DAPK3: variants seen among roughly 807,000 people sequenced by gnomAD.
The protein encoded by DAPK3 is death-associated protein kinase 3.
Under a neutral mutation model 30.6 loss-of-function variants are expected in DAPK3, and 24 were observed. The observed-to-expected ratio is 0.78, with a 90% confidence interval of 0.57 to 1.10. The LOEUF is 1.10. Among genes scored for constraint, DAPK3 ranks in the 50% least tolerant of loss-of-function variants. The pLI is 0.00. For missense variants in DAPK3, 629 were observed against 657.3 expected, an observed-to-expected ratio of 0.96 and a Z score of 0.47; for synonymous variants, 341 against 284.0, an observed-to-expected ratio of 1.20 and a Z score of -2.02.
At position 3,959,343 on chromosome 19, in the gene DAPK3, C is replaced by A. The variant is rs2039477092; in HGVS notation, c.1123G>T (p.Gly375Cys). Residue 375 changes from glycine to cysteine, a missense_variant, in exon 9 of 9, where the codon GGC becomes TGC. By Grantham distance (159) the Gly-to-Cys change is radical. Coordinates refer to ENST00000545797, the MANE Select transcript of DAPK3 (RefSeq NM_001348.3). ...TGCCGTAGCCTCCGCAGGTCCTGGC[C>A]CAGGCTGTCGCTCTCCTCGCGGTAC... ...AWYREESDSL[G>C]QDLRRLRQEL... 2 of 1,589,446 alleles carry A rather than the reference C, an allele frequency of 1.3e-6. No individual in the cohort carries two copies. The highest frequency in any genetic ancestry group is 1.7e-6 in the Non-Finnish European group (2 of 1,175,386).
intron 2 of DAPK3, among the ~76,000 whole-genome samples, chr19:3,965,886 G>C (rs1265007177): frequency 6.6e-6 from 1 of 151,810 alleles, no homozygotes; most frequent in African/African-American, 2.4e-5. Context: ...CGCTGGTCTC[G>C]AACTCCTGGG....
rs1357451707 is a variant in DAPK3 at position 3,964,012 on chromosome 19, T to C, written c.554-93A>G. Reference sequence around the variant, plus strand: ...GGCATGGGGTCAAGGTTCTCACATGTCGCAGCCCTTGGGGGCATGAATGCG... The same window carrying C: ...GGCATGGGGTCAAGGTTCTCACATGCCGCAGCCCTTGGGGGCATGAATGCG... On this transcript the variant is annotated intron_variant, in intron 4 of 8. Coordinates refer to ENST00000545797, the MANE Select transcript of DAPK3 (RefSeq NM_001348.3). 6 of 913,982 alleles carry C rather than the reference T, an allele frequency of 6.6e-6. No homozygotes were observed. The Admixed American group carries it at 1.2e-4, about 18-fold the overall frequency. The allele number at this position is 913,982 out of a possible 1,614,324, so 56.6% of individuals were successfully genotyped here.
intron 3 of DAPK3, 61 bp from the exon 4 acceptor site, chr19:3,964,434 TC>T (rs1043514498): frequency 1.8e-4 from 152 of 865,530 alleles, no homozygotes; most frequent in Middle Eastern, 8.6e-4. Flanking sequence ...ACCCCCACGC[TC>T]CCCAAACCTC....
Position 3,969,794 on chromosome 19 carries a change from T to C in DAPK3, c.-59A>G, listed in dbSNP as rs1040113940. The C allele has an allele frequency of 7.8e-7, 1 of 1,285,630 alleles. No individual in the cohort carries two copies. Among genetic ancestry groups the C allele is most frequent in the South Asian group, 1.2e-5 (1 of 84,508 alleles). 79.6% of individuals were successfully genotyped at this position (1,285,630 alleles called of 1,614,324 possible). A position where few individuals can be genotyped will look rare whatever the true frequency, so the allele number is the denominator to read the frequency against. The stretch of plus-strand genomic sequence containing the variant: ...CAGGGAAAGTGCAGTCACCGCAGCC[T>C]GGAGATAGGACCTCAGGAGTCCCCT... On this transcript the variant is annotated 5_prime_UTR_variant, in exon 2 of 9. Transcript: ENST00000545797.
In DAPK3 at chr19:3,964,870, C is replaced by G. The variant is rs150676155; in HGVS notation, c.184G>C (p.Glu62Gln). The G allele has an allele frequency of 2.7e-5, 43 of 1,612,332 alleles. No homozygotes were observed. The African/African-American group carries it at 4.1e-4, about 16-fold the overall frequency. Residue 62 changes from glutamate (E) to glutamine (Q), a missense_variant, in exon 3 of 9, where the codon GAG becomes CAG. Around this residue, in one of 2 missense-constraint regions of DAPK3, gnomAD observed 306 missense variants for 378.5 expected, o/e 0.81. Transcript: ENST00000545797. ...SRRGVSREEI[E>Q]REVNILREIR... The stretch of plus-strand genomic sequence containing the variant: ...TCCCGCAGGATGTTCACCTCCCGCT[C>G]GATCTCCTCCCGGCTCACCCCACGC...
At chr19:3,966,661 G>A (rs531018581) in intron 2 of DAPK3, among the ~76,000 whole-genome samples, 15 of 152,280 alleles carry the variant, frequency 9.9e-5, no homozygotes, top group Non-Finnish European at 1.6e-4. Flanking sequence ...CTTCGGCCCC[G>A]GGGACACAGG....
chr19:3,963,950 T>TG, intron 4 of DAPK3, 31 bp from the exon 5 acceptor site: 1 of 1,473,676 alleles, frequency 6.8e-7, no homozygotes, highest in Middle Eastern at 1.7e-4. Context: ...GGTCAGGCAC[T>TG]GGGGACATGC....
Position 3,958,928 on chromosome 19 carries a change from AC to A in DAPK3, c.*172del. ...AGAGAAGCAGCCCCGTCCCACACCC[AC>A]CCCTGCCTGCGAACTTACGGGCCTG... On this transcript the variant is annotated 3_prime_UTR_variant, in exon 9 of 9. Coordinates refer to ENST00000545797, the MANE Select transcript of DAPK3 (RefSeq NM_001348.3). 3.4e-6 allele frequency: 2 copies of A among 581,332 alleles called. No individual in the cohort carries two copies. The highest frequency in any genetic ancestry group is 2.1e-5 in the South Asian group (1 of 47,620). The allele number at this position is 581,332 out of a possible 1,614,324, so 36.0% of individuals were successfully genotyped here.
At chr19:3,966,684 C>T (rs2039580560) in intron 2 of DAPK3, among the ~76,000 whole-genome samples, 1 of 152,198 alleles carries the variant, frequency 6.6e-6, no homozygotes, top group Admixed American at 6.5e-5. Flanking sequence ...ACCATATGCA[C>T]CAGCACCCAG....
At chr19:3,964,156 C>A in intron 4 of DAPK3, 88 bp downstream of exon 4, 1 of 1,225,574 alleles carries the variant, frequency 8.2e-7, no homozygotes, top group South Asian at 1.4e-5. Flanking sequence ...ACGCGGCACC[C>A]AGCACCGGGC....
chr19:3,966,425 C>T (rs1041100954), intron 2 of DAPK3, among the ~76,000 whole-genome samples: 1 of 152,170 alleles, frequency 6.6e-6, no homozygotes, highest in Non-Finnish European at 1.5e-5. Context: ...CCAAAGAGAC[C>T]GGTCCAGTCC....
intron 6 of DAPK3, among the ~76,000 whole-genome samples, chr19:3,962,787 CAAAAAAAAAA>C (rs35117218): frequency 5.9e-5 from 4 of 68,086 alleles, no homozygotes; most frequent in East Asian, 8.6e-4. Context: ...AACTCTGTCT[CAAAAAAAAAA>C]AAAAAAAAAA....
chr19:3,959,346 G>C lies in DAPK3; in HGVS notation c.1120C>G (p.Leu374Val), dbSNP rs531962501. The change falls in exon 9 of 9, where the codon CTG becomes GTG. Residue 374 changes from leucine (L) to valine (V), a missense_variant. Around this residue, in one of 2 missense-constraint regions of DAPK3, gnomAD observed 323 missense variants for 278.8 expected, o/e 1.16. Coordinates refer to ENST00000545797, the MANE Select transcript of DAPK3 (RefSeq NM_001348.3). ...CGTAGCCTCCGCAGGTCCTGGCCCA[G>C]GCTGTCGCTCTCCTCGCGGTACCAG... Reference protein sequence around the residue: ...EAWYREESDSLGQDLRRLRQE... With the variant: ...EAWYREESDSVGQDLRRLRQE... 4.4e-6 allele frequency: 7 copies of C among 1,589,006 alleles called. No individual in the cohort carries two copies. Among genetic ancestry groups the C allele is most frequent in the Admixed American group, 3.4e-5 (2 of 58,508 alleles).
Position 3,958,684 on chromosome 19 carries a change from CTCCT to C in DAPK3, c.*413_*416del, listed in dbSNP as rs2039467065. On this transcript the variant is annotated 3_prime_UTR_variant, in exon 9 of 9. Transcript: ENST00000545797. ...CATCCCACCCTCCCCGTCCCACGAC[CTCCT>C]CCTGGGCTAATGGCAGCAACAGGCA... is the stretch of plus-strand genomic sequence containing the variant. 1 of 374,754 alleles carries C rather than the reference CTCCT, an allele frequency of 2.7e-6. No individual in the cohort carries two copies. The highest frequency in any genetic ancestry group is 2.1e-5 in the African/African-American group (1 of 47,334). The allele number at this position is 374,754 out of a possible 1,614,324, so 23.2% of individuals were successfully genotyped here. A position where few individuals can be genotyped will look rare whatever the true frequency, so the allele number is the denominator to read the frequency against.
At position 3,959,388 on chromosome 19, in the gene DAPK3, A is replaced by T; in HGVS notation, c.1078T>A (p.Tyr360Asn). 1 of 1,573,650 alleles carries T rather than the reference A, an allele frequency of 6.4e-7. No individual in the cohort carries two copies. Among genetic ancestry groups the T allele is most frequent in the Non-Finnish European group, 8.6e-7 (1 of 1,167,516 alleles). ...HEDVEALAAI[Y>N]EEKEAWYREE... The stretch of plus-strand genomic sequence containing the variant: ...CGGTACCAGGCCTCCTTCTCCTCGT[A>T]GATGGCGGCCAGCGCCTCCACGTCC... The change falls in exon 9 of 9, where the codon TAC (tyrosine) becomes AAC (asparagine). Residue 360 changes from tyrosine to asparagine, a missense_variant. By Grantham distance (143) the Tyr-to-Asn change is moderately radical. This residue lies in a region of DAPK3 where 323 missense variants were observed against 278.8 expected (regional missense o/e 1.16). Transcript: ENST00000545797.
At chr19:3,965,824 CCAATT>C (rs2039572394) in intron 2 of DAPK3, among the ~76,000 whole-genome samples, 1 of 151,926 alleles carries the variant, frequency 6.6e-6, no homozygotes, top group Admixed American at 6.6e-5. Context: ...ACCACCACAC[CCAATT>C]AATTTTTTTT....
rs762281940 is a variant in DAPK3 at position 3,964,342 on chromosome 19, A to G, written c.455T>C (p.Val152Ala). The change falls in exon 4 of 9, where the codon GTG becomes GCG. Residue 152 changes from valine to alanine, a missense_variant. Val to Ala is a moderately conservative substitution (Grantham distance 64). Around this residue, in one of 2 missense-constraint regions of DAPK3, gnomAD observed 306 missense variants for 378.5 expected, o/e 0.81. Transcript: ENST00000545797. Reference protein sequence around the residue: ...PENIMLLDKNVPNPRIKLIDF... With the variant: ...PENIMLLDKNAPNPRIKLIDF... ...GATGAGCTTGATTCGTGGGTTGGGC[A>G]CGTTCTTGTCCAGCAGCATGATGTT... The G allele has an allele frequency of 6.2e-7, 1 of 1,613,270 alleles. No homozygotes were observed. The highest frequency in any genetic ancestry group is 1.3e-5 in the African/African-American group (1 of 74,892).
chr19:3,963,809 G>T, intron 5 of DAPK3, 62 bp downstream of exon 5: 1 of 1,282,750 alleles, frequency 7.8e-7, no homozygotes, highest in Non-Finnish European at 1.1e-6. Flanking sequence ...ATCCCCAGCT[G>T]CAGCACTGGC....
Position 3,969,066 on chromosome 19 carries a change from C to G in DAPK3, c.62+608G>C, listed in dbSNP as rs370980242. Among the ~76,000 whole-genome samples the G allele has an allele frequency of 1.1e-4, 16 of 152,224 alleles. No homozygotes were observed. In the South Asian group the frequency reaches 1.7e-3, roughly 16 times the overall value. ...CTGGGAGACACGCCCCTCCCTCCCC[C>G]CACTTTAAACATCCAAGAGCTGGGC... On this transcript the variant is annotated intron_variant, in intron 2 of 8. Transcript: ENST00000545797.
Sources: allele counts gnomAD v4.1 joint callset (sites outside exome capture counted in the v4.1 genomes callset), GRCh38; gene constraint gnomAD v4.1.1; regional missense constraint gnomAD v4.1.1; transcripts MANE v1.5; gene names NCBI Gene and HGNC (gene_info 2026-07-23, HGNC 2026-07-21).